Variants in CDK5RAP1 observed in about 807,000 individuals in gnomAD.
CDK5RAP1 encodes mitochondrial tRNA methylthiotransferase CDK5RAP1.
CDK5RAP1 carries 62 observed loss-of-function variants against 64.5 expected under a neutral mutation model. That is an observed-to-expected ratio of 0.96 (90% CI 0.78 to 1.19). The LOEUF (loss-of-function observed/expected upper bound fraction) is 1.19. Ranked by LOEUF, CDK5RAP1 falls within the 50% of genes most tolerant of loss-of-function variation. The pLI is 0.00. For synonymous variants in CDK5RAP1, 250 were observed against 261.9 expected (o/e 0.95, Z 0.44); for missense variants, 657 against 735.0 (o/e 0.89, Z 1.23).
intron 4 of CDK5RAP1, among the ~76,000 whole-genome samples, chr20:33,392,849 CTTTAACTAGAT>C (rs1218458526): frequency 1.3e-5 from 2 of 151,280 alleles, no homozygotes; most frequent in African/African-American, 4.9e-5. Flanking sequence ...TGCCCTTCTA[CTTTAACTAGAT>C]TTTTCCCTAT....
At chr20:33,389,985 A>G (rs1988119754) in intron 5 of CDK5RAP1, among the ~76,000 whole-genome samples, 1 of 151,782 alleles carries the variant, frequency 6.6e-6, no homozygotes, top group South Asian at 2.1e-4. Flanking sequence ...TTATAAAGGA[A>G]GGAAATTCTG....
chr20:33,380,507 T>C (rs1014841832), intron 7 of CDK5RAP1, among the ~76,000 whole-genome samples: 3 of 152,288 alleles, frequency 2.0e-5, no homozygotes, highest in South Asian at 4.1e-4. Context: ...CATATGATAA[T>C]GATATCATGG....
chr20:33,399,801 G>A (rs1312834863), intron 1 of CDK5RAP1, among the ~76,000 whole-genome samples: 8 of 152,154 alleles, frequency 5.3e-5, no homozygotes, highest in Non-Finnish European at 7.4e-5. Flanking sequence ...CGAGGCAGGC[G>A]GATTGTTTGA....
Position 33,387,324 on chromosome 20 carries a change from C to G in CDK5RAP1, c.754G>C (p.Val252Leu), listed in dbSNP as rs570907825. The change falls in exon 6 of 14, where the codon GTG (valine) becomes CTG (leucine). Residue 252 changes from valine to leucine, a missense_variant and splice_region_variant. By Grantham distance (32) the Val-to-Leu change is conservative. Transcript: ENST00000346416. ...QTSASATSAF[V>L]SIMRGCDNMC... Reference sequence around the variant, plus strand: ...CCTATCTCTTAGGCAGTGACTCACACAAAGGCAGACGTGGCACTGGCGCTT... The same window carrying G: ...CCTATCTCTTAGGCAGTGACTCACAGAAAGGCAGACGTGGCACTGGCGCTT... 1 of 1,611,754 alleles carries G rather than the reference C, an allele frequency of 6.2e-7. No homozygotes were observed. Among genetic ancestry groups the G allele is most frequent in the Admixed American group, 1.7e-5 (1 of 59,958 alleles).
chr20:33,388,355 G>C (rs1416759106), intron 5 of CDK5RAP1, among the ~76,000 whole-genome samples: 1 of 152,052 alleles, frequency 6.6e-6, no homozygotes, highest in African/African-American at 2.4e-5. Context: ...AATACCCTTT[G>C]AAAACACTTA....
chr20:33,399,818 G>A (rs527386122), intron 1 of CDK5RAP1, among the ~76,000 whole-genome samples: 1 of 152,296 alleles, frequency 6.6e-6, no homozygotes. Flanking sequence ...TTGAGCTCAG[G>A]AGTTCGAGAC....
At chr20:33,389,344 G>C (rs1262006391) in intron 5 of CDK5RAP1, among the ~76,000 whole-genome samples, 1 of 134,910 alleles carries the variant, frequency 7.4e-6, no homozygotes, top group African/African-American at 2.8e-5. Flanking sequence ...GCCCCTCCGC[G>C]CGGCAGCCGC....
Position 33,395,039 on chromosome 20 carries a change from A to T in CDK5RAP1, c.382T>A (p.Tyr128Asn). 2 of 1,610,314 alleles carry T rather than the reference A, an allele frequency of 1.2e-6. No individual in the cohort carries two copies. Among genetic ancestry groups the T allele is most frequent in the South Asian group, 1.1e-5 (1 of 90,986 alleles). The change falls in exon 3 of 14, where the codon TAC becomes AAC. Residue 128 changes from tyrosine to asparagine, a missense_variant. Coordinates refer to ENST00000346416, the MANE Select transcript of CDK5RAP1 (RefSeq NM_016408.4). ...IAWSILQKSGYLRTSNLQEAD... is the reference protein window; with the variant it reads ...IAWSILQKSGNLRTSNLQEAD... ...TCTTGGAGGTTACTGGTCCGCAGGTAGCCACTCTTCTGTAAGATGGACCAG... is the reference window on the plus strand; with the variant it reads ...TCTTGGAGGTTACTGGTCCGCAGGTTGCCACTCTTCTGTAAGATGGACCAG...
chr20:33,378,499 A>C (rs1183458817), intron 8 of CDK5RAP1, among the ~76,000 whole-genome samples: 1 of 152,218 alleles, frequency 6.6e-6, no homozygotes, highest in Non-Finnish European at 1.5e-5. Context: ...TGAAGTAAGC[A>C]CATGCTGTTG....
chr20:33,363,724 C>T (rs915304605), intron 12 of CDK5RAP1, among the ~76,000 whole-genome samples: 12 of 151,874 alleles, frequency 7.9e-5, no homozygotes, highest in African/African-American at 2.9e-4. Context: ...AGAGCAAAAC[C>T]CCATCTCTAC....
At chr20:33,370,121 G>A (rs1984731960) in intron 11 of CDK5RAP1, among the ~76,000 whole-genome samples, 1 of 152,174 alleles carries the variant, frequency 6.6e-6, no homozygotes, top group Non-Finnish European at 1.5e-5. Context: ...ACTGAGGATG[G>A]CTGGGAAGAT....
At chr20:33,368,508 A>T (rs114676602) in intron 11 of CDK5RAP1, among the ~76,000 whole-genome samples, 1 of 105,766 alleles carries the variant, frequency 9.5e-6, no homozygotes, top group Middle Eastern at 0.012. Context: ...GGGTCTCCCT[A>T]TGTTACCCAG....
At chr20:33,369,720 A>G (rs1984668499) in intron 11 of CDK5RAP1, among the ~76,000 whole-genome samples, 1 of 152,128 alleles carries the variant, frequency 6.6e-6, no homozygotes, top group South Asian at 2.1e-4. Flanking sequence ...TTTGAGACCA[A>G]CCTGGACAGC....
At position 33,401,414 on chromosome 20, in the gene CDK5RAP1, G is replaced by A. The variant is rs1989404652; in HGVS notation, c.-21+14C>T. The stretch of plus-strand genomic sequence containing the variant: ...AGCGGGTGCGCAGCCCACCCCGGCG[G>A]CCGCGCTGCTCACCTCCCGCAGCAG... On this transcript the variant is annotated intron_variant, in intron 1 of 13. Transcript: ENST00000346416. 1.0e-6 allele frequency: 1 copy of A among 985,386 alleles called. No individual in the cohort carries two copies. The highest frequency in any genetic ancestry group is 6.1e-5 in the Admixed American group (1 of 16,264). 61.0% of individuals were successfully genotyped at this position (985,386 alleles called of 1,614,324 possible). A position where few individuals can be genotyped will look rare whatever the true frequency, so the allele number is the denominator to read the frequency against.
rs374852815 is a variant in CDK5RAP1, at chr20:33,386,457, C to T, written c.756-687G>A. The stretch of plus-strand genomic sequence containing the variant: ...ATTATCTGAACTTTTTACATCCAGA[C>T]CAGAAAAAAATAAATATTATAAAGT... On this transcript the variant is annotated intron_variant, in intron 6 of 13. Transcript: ENST00000346416. Among the ~76,000 whole-genome samples the T allele has an allele frequency of 1.4e-4, 22 of 152,020 alleles. 2 individuals are homozygous for T. In the South Asian group the frequency reaches 4.6e-3, roughly 32 times the overall value.
At chr20:33,374,567 A>AT (rs796962548) in intron 8 of CDK5RAP1, among the ~76,000 whole-genome samples, 3,521 of 141,828 alleles carry the variant, frequency 0.025, 112 homozygotes, top group African/African-American at 0.074. Flanking sequence ...GTCACTTTCT[A>AT]TTTTTTTTTT....
At chr20:33,364,938 G>A (rs535452661) in intron 12 of CDK5RAP1, among the ~76,000 whole-genome samples, 3 of 151,362 alleles carry the variant, frequency 2.0e-5, no homozygotes, top group Admixed American at 2.0e-4. Context: ...CTCCAGGCTG[G>A]AGTAAGGTGG....
intron 11 of CDK5RAP1, among the ~76,000 whole-genome samples, chr20:33,368,912 G>A (rs1984508700): frequency 6.6e-6 from 1 of 151,746 alleles, no homozygotes; most frequent in South Asian, 2.1e-4. Flanking sequence ...AGGCTGAGGT[G>A]GGTGGATCAC....
chr20:33,380,862 C>T (rs1271406551), intron 7 of CDK5RAP1, among the ~76,000 whole-genome samples: 1 of 151,942 alleles, frequency 6.6e-6, no homozygotes, highest in African/African-American at 2.4e-5. Flanking sequence ...ATTAGCTGGG[C>T]GTGGTGGCAG....
Sources: gnomAD v4.1 joint callset for allele counts (sites outside exome capture counted in the v4.1 genomes callset) on GRCh38, gnomAD v4.1.1 for gene constraint, MANE v1.5 for transcripts, NCBI Gene and HGNC (gene_info 2026-07-23, HGNC 2026-07-21) for gene names.